Variants in CDK14 observed in about 807,000 individuals in gnomAD.
The protein encoded by CDK14 is cyclin-dependent kinase 14.
Under a neutral mutation model 60.7 loss-of-function variants are expected in CDK14, and 34 were observed. The observed-to-expected ratio is 0.56, with a 90% CI of 0.43 to 0.75. CDK14 has a LOEUF of 0.75. Ranked by LOEUF, CDK14 falls within the 30% of genes least tolerant of loss-of-function variation. The probability of loss-of-function intolerance (pLI) is 0.00; values close to 1 mark genes in which losing one functional copy is unlikely to be tolerated. For synonymous variants in CDK14, 197 were observed against 203.7 expected (o/e 0.97, Z 0.28); for missense variants, 482 against 564.1 (o/e 0.85, Z 1.47).
At chr7:90,724,689 A>G (rs1177504611) in intron 2 of CDK14, among the ~76,000 whole-genome samples, 1 of 151,924 alleles carries the variant, frequency 6.6e-6, no homozygotes, top group Non-Finnish European at 1.5e-5. Context: ...TAATTTAGTC[A>G]TCAACTATTT....
intron 3 of CDK14, among the ~76,000 whole-genome samples, chr7:90,733,358 G>A (rs990846672): frequency 6.6e-6 from 1 of 152,072 alleles, no homozygotes; most frequent in African/African-American, 2.4e-5. Context: ...AGGTCTGTTT[G>A]GTCCAGAGCT....
chr7:90,929,624 A>G (rs1473804808), intron 8 of CDK14, among the ~76,000 whole-genome samples: 1 of 152,218 alleles, frequency 6.6e-6, no homozygotes, highest in East Asian at 1.9e-4. Flanking sequence ...ATAGATTTAT[A>G]TTATTCATGC....
At chr7:90,726,929 C>A in intron 3 of CDK14, 117 bp downstream of exon 3, 2 of 1,236,912 alleles carry the variant, frequency 1.6e-6, no homozygotes, top group South Asian at 1.5e-5. Context: ...TGCATTCTCT[C>A]CCAGGGTGGT....
chr7:90,651,240 A>T (rs1800632309), intron 2 of CDK14, among the ~76,000 whole-genome samples: 1 of 152,182 alleles, frequency 6.6e-6, no homozygotes, highest in Admixed American at 6.5e-5. Flanking sequence ...GAGTTCACTC[A>T]TGATTTGTCT....
intron 11 of CDK14, among the ~76,000 whole-genome samples, chr7:91,063,423 C>T (rs963428820): frequency 2.6e-5 from 4 of 152,224 alleles, no homozygotes; most frequent in Non-Finnish European, 5.9e-5. Context: ...ATAAGATTTC[C>T]TTCACGTACA....
intron 10 of CDK14, among the ~76,000 whole-genome samples, chr7:91,037,646 T>A (rs1041508020): frequency 6.6e-6 from 1 of 152,320 alleles, no homozygotes; most frequent in East Asian, 1.9e-4. Flanking sequence ...GCTGCCCCAC[T>A]TTCTAGCTGT....
chr7:90,751,307 T>G (rs979498613), intron 4 of CDK14, among the ~76,000 whole-genome samples: 1 of 152,068 alleles, frequency 6.6e-6, no homozygotes, highest in Non-Finnish European at 1.5e-5. Flanking sequence ...GGAACACCAT[T>G]AAGCTAACAG....
chr7:90,775,711 T>TCTCCTCCTCCTCTCCTCTTCCTCCTC (rs1805012559), intron 4 of CDK14, among the ~76,000 whole-genome samples: 1 of 120,578 alleles, frequency 8.3e-6, no homozygotes, highest in Non-Finnish European at 1.6e-5. Flanking sequence ...TCCTTTTCCT[T>TCTCCTCCTCCTCTCCTCTTCCTCCTC]CTCCTCCTCC....
At chr7:91,157,304 G>T (rs1801013046) in intron 14 of CDK14, among the ~76,000 whole-genome samples, 1 of 152,100 alleles carries the variant, frequency 6.6e-6, no homozygotes, top group South Asian at 2.1e-4. Flanking sequence ...ATCCTCAAAG[G>T]CCCCATAGTG....
chr7:91,110,093 T>C (rs898993243), intron 12 of CDK14, among the ~76,000 whole-genome samples: 36 of 152,156 alleles, frequency 2.4e-4, no homozygotes, highest in African/African-American at 8.4e-4. Flanking sequence ...AATTAAGATA[T>C]CATACATGGA....
At chr7:90,885,218 A>G (rs1244060114) in intron 6 of CDK14, among the ~76,000 whole-genome samples, 3 of 152,214 alleles carry the variant, frequency 2.0e-5, no homozygotes. Context: ...AGAATTTACA[A>G]GGAACATAAA....
intron 4 of CDK14, among the ~76,000 whole-genome samples, chr7:90,761,888 T>C (rs1208103398): frequency 6.6e-6 from 1 of 152,120 alleles, no homozygotes; most frequent in East Asian, 1.9e-4. Flanking sequence ...GGCCAGGCAA[T>C]AGGTGTGTAG....
intron 6 of CDK14, 90 bp downstream of exon 6, chr7:90,863,359 G>C: frequency 1.5e-6 from 1 of 650,642 alleles, no homozygotes; most frequent in Non-Finnish European, 2.6e-6. Context: ...TTAGATTGCT[G>C]TACTGAAGTT....
At position 90,709,540 on chromosome 7, in the gene CDK14, A is replaced by G. The variant is rs757118458; in HGVS notation, c.124-17027A>G. 5.6e-6 allele frequency: 9 copies of G among 1,613,184 alleles called. No homozygotes were observed. The Admixed American group carries it at 6.7e-5, about 12-fold the overall frequency. On this transcript the variant is annotated intron_variant, in intron 2 of 14. Transcript: ENST00000380050. ...GTGTGTTGTGAATTGCCTTGACAGC[A>G]TATGCACGGTTACTTTGGCTGCAAT... is the stretch of plus-strand genomic sequence containing the variant.
chr7:91,126,638 A>G (rs1036524302), intron 14 of CDK14, among the ~76,000 whole-genome samples: 7 of 152,170 alleles, frequency 4.6e-5, no homozygotes, highest in Admixed American at 4.6e-4. Context: ...AAACTGGCAC[A>G]TCTCAGAGGT....
At chr7:91,197,401 CAA>C (rs11344173) in intron 14 of CDK14, among the ~76,000 whole-genome samples, 227 of 120,108 alleles carry the variant, frequency 1.9e-3, no homozygotes, top group Admixed American at 2.9e-3. Context: ...GACTCTGTCT[CAA>C]AAAAAAAAAA....
chr7:91,004,402 A>G (rs926978591), intron 10 of CDK14, among the ~76,000 whole-genome samples: 4 of 152,228 alleles, frequency 2.6e-5, no homozygotes, highest in African/African-American at 4.8e-5. Flanking sequence ...CTTGAAATAT[A>G]CAAACCTATT....
chr7:91,049,137 C>T (rs1797319950), intron 11 of CDK14, among the ~76,000 whole-genome samples: 1 of 152,182 alleles, frequency 6.6e-6, no homozygotes, highest in Non-Finnish European at 1.5e-5. Context: ...CCACCTCCGC[C>T]TCCCAAAGTG....
At chr7:90,874,590 G>A (rs567911578) in intron 6 of CDK14, among the ~76,000 whole-genome samples, 3 of 129,502 alleles carry the variant, frequency 2.3e-5, no homozygotes, top group East Asian at 2.5e-4. Context: ...CTGCAGTGGC[G>A]CAATCTCGGC....
Sources: allele counts gnomAD v4.1 joint callset (sites outside exome capture counted in the v4.1 genomes callset), GRCh38; gene constraint gnomAD v4.1.1; transcripts MANE v1.5; gene names NCBI Gene and HGNC (gene_info 2026-07-23, HGNC 2026-07-21).